SLC15A1: variants seen among roughly 807,000 people sequenced by gnomAD.
SLC15A1 encodes the protein solute carrier family 15 member 1, also known as Caco-2 oligopeptide transporter.
A neutral mutation model predicts 92.9 loss-of-function variants in SLC15A1; 83 were observed. That is an observed-to-expected ratio of 0.89 (90% CI 0.75 to 1.07). The LOEUF is 1.07. Ranked by LOEUF, SLC15A1 falls within the 50% of genes least tolerant of loss-of-function variation. The pLI is 0.00. For synonymous variants in SLC15A1, 322 were observed against 318.2 expected, an observed-to-expected ratio of 1.01 and a Z score of -0.13; for missense variants, 857 against 880.1, an observed-to-expected ratio of 0.97 and a Z score of 0.33.
intron 18 of SLC15A1, among the ~76,000 whole-genome samples, chr13:98,695,618 C>G (rs188549338): frequency 2.6e-5 from 4 of 152,236 alleles, no homozygotes; most frequent in Admixed American, 1.3e-4. Context: ...GTCTCAAACT[C>G]CTGACCCCAG....
At chr13:98,730,837 C>T (rs543202790) in intron 1 of SLC15A1, among the ~76,000 whole-genome samples, 6 of 152,346 alleles carry the variant, frequency 3.9e-5, no homozygotes, top group African/African-American at 1.4e-4. Flanking sequence ...CCAGGACCGT[C>T]CTTCTTCTTC....
At chr13:98,721,650 G>A (rs2088259513) in intron 6 of SLC15A1, 65 bp from the exon 7 acceptor site, 1 of 1,294,222 alleles carries the variant, frequency 7.7e-7, no homozygotes, top group African/African-American at 1.5e-5. Flanking sequence ...GGGAGCTGAT[G>A]ATCTCATTTT....
At chr13:98,721,628 C>T in intron 6 of SLC15A1, 43 bp from the exon 7 acceptor site, 1 of 1,413,910 alleles carries the variant, frequency 7.1e-7, no homozygotes, top group South Asian at 1.2e-5. Flanking sequence ...GGCTATCAAT[C>T]CACTGAGCAC....
Position 98,726,868 on chromosome 13 carries a change from A to G in SLC15A1, c.5-9T>C, listed in dbSNP as rs1341773181. The stretch of plus-strand genomic sequence containing the variant: ...GTGTGATTTGGACATTCCTAAAAGA[A>G]AAACAGAATCCCAATATTAAAGTCA... On this transcript the variant is annotated splice_polypyrimidine_tract_variant and intron_variant, in intron 1 of 22. Transcript: ENST00000376503. 4.3e-6 allele frequency: 7 copies of G among 1,613,154 alleles called. No individual in the cohort carries two copies. Among genetic ancestry groups the G allele is most frequent in the Non-Finnish European group, 5.9e-6 (7 of 1,179,180 alleles).
At chr13:98,751,050 C>A (rs549148686) in intron 1 of SLC15A1, among the ~76,000 whole-genome samples, 3 of 152,084 alleles carry the variant, frequency 2.0e-5, no homozygotes, top group Admixed American at 6.6e-5. Context: ...CCACTGCGCC[C>A]GGCCAAGATC....
In SLC15A1 at chr13:98,711,940, G is replaced by A. The variant is rs1444031696; in HGVS notation, c.814C>T (p.Arg272Trp). ...ACCATCTTAATTTGGGAGATGAGCC[G>A]CTCCTGTAGTTGGAGTGGGGAAGGG... ...LDWAKEKYDE[R>W]LISQIKMVTR... is the part of the protein sequence containing the mutation. The change falls in exon 11 of 23, where the codon CGG becomes TGG. Residue 272 changes from arginine (R) to tryptophan (W), a missense_variant. Physicochemically the swap from Arg to Trp is moderately radical, Grantham distance 101 (BLOSUM62 -3). Transcript: ENST00000376503. 7 of 1,610,630 alleles carry A rather than the reference G, an allele frequency of 4.3e-6. No homozygotes were observed. The highest frequency in any genetic ancestry group is 1.1e-5 in the South Asian group (1 of 90,988).
intron 1 of SLC15A1, among the ~76,000 whole-genome samples, chr13:98,728,977 T>TAAAAAAAAAAAAAAAAAAAAAA (rs71218592): frequency 1.4e-4 from 2 of 13,896 alleles, no homozygotes; most frequent in African/African-American, 3.2e-4. Flanking sequence ...TAAGGCTCTG[T>TAAAAAAAAAAAAAAAAAAAAAA]AAAAAAAAAA....
chr13:98,699,776 G>T (rs1323985357), intron 18 of SLC15A1, among the ~76,000 whole-genome samples: 1 of 152,130 alleles, frequency 6.6e-6, no homozygotes, highest in East Asian at 1.9e-4. Flanking sequence ...ACCAACACTT[G>T]GTATTGTCAA....
At chr13:98,698,905 T>A (rs2088044519) in intron 18 of SLC15A1, among the ~76,000 whole-genome samples, 1 of 152,202 alleles carries the variant, frequency 6.6e-6, no homozygotes, top group Admixed American at 6.5e-5. Context: ...GACTGGAGAC[T>A]GGGGTTGAAC....
rs186554441 is a variant in SLC15A1, at chr13:98,704,010, T to C, written c.1416+279A>G. ...TCACATATGTACTCTGTGTGACTTC[T>C]GTACACACACGCATGCACATCTGTG... On this transcript the variant is annotated intron_variant, in intron 17 of 22. Coordinates refer to ENST00000376503, the MANE Select transcript of SLC15A1 (RefSeq NM_005073.4). Among the ~76,000 whole-genome samples, 20 of 152,358 alleles carry C rather than the reference T, an allele frequency of 1.3e-4. No homozygotes were observed. In the East Asian group the frequency reaches 3.7e-3, roughly 28 times the overall value.
chr13:98,709,969 A>G, intron 11 of SLC15A1, 58 bp from the exon 12 acceptor site: 1 of 1,529,856 alleles, frequency 6.5e-7, no homozygotes, highest in Admixed American at 1.7e-5. Context: ...AAAATTTTAC[A>G]AGTCAATGGT....
At chr13:98,687,753 G>A in intron 20 of SLC15A1, 29 bp from the exon 21 acceptor site, 1 of 1,605,192 alleles carries the variant, frequency 6.2e-7, no homozygotes, top group Non-Finnish European at 8.5e-7. Flanking sequence ...AGCAGAAGAA[G>A]TTGAGATAGC....
intron 18 of SLC15A1, among the ~76,000 whole-genome samples, chr13:98,688,847 A>C (rs1246459540): frequency 5.3e-5 from 8 of 152,244 alleles, no homozygotes; most frequent in Admixed American, 2.0e-4. Flanking sequence ...AACCTAGTTC[A>C]ATACATTAGG....
At chr13:98,737,955 T>C (rs2088408010) in intron 1 of SLC15A1, among the ~76,000 whole-genome samples, 1 of 152,156 alleles carries the variant, frequency 6.6e-6, no homozygotes, top group Admixed American at 6.5e-5. Flanking sequence ...CAGGTGGAAA[T>C]GAGGAACTTA....
At chr13:98,750,479 A>C (rs1482912415) in intron 1 of SLC15A1, among the ~76,000 whole-genome samples, 1 of 152,104 alleles carries the variant, frequency 6.6e-6, no homozygotes, top group African/African-American at 2.4e-5. Context: ...AAGTCTAATA[A>C]ATGCCTTAAT....
Position 98,716,038 on chromosome 13 carries a change from T to G in SLC15A1, c.641-78A>C, listed in dbSNP as rs115234789. 5.0e-3 allele frequency: 5,908 copies of G among 1,190,376 alleles called. 222 individuals carry two copies. The African/African-American group carries it at 0.076, about 15-fold the overall frequency. 73.7% of individuals were successfully genotyped at this position (1,190,376 alleles called of 1,614,324 possible). ...TGGCCTAGAGAGATGCGCCTTTATTTGAATTATAACTTTGTTTTGGGATAA... is the reference window on the plus strand; with the variant it reads ...TGGCCTAGAGAGATGCGCCTTTATTGGAATTATAACTTTGTTTTGGGATAA... On this transcript the variant is annotated intron_variant, in intron 8 of 22. Coordinates refer to ENST00000376503, the MANE Select transcript of SLC15A1 (RefSeq NM_005073.4).
chr13:98,743,749 G>C lies in SLC15A1; in HGVS notation c.4+8846C>G, dbSNP rs2088469072. On this transcript the variant is annotated intron_variant, in intron 1 of 22. Coordinates refer to ENST00000376503, the MANE Select transcript of SLC15A1 (RefSeq NM_005073.4). Reference sequence around the variant, plus strand: ...TCTACACCTGGATATTTTTAGTCTAGAAGAACACCTTTCCTTCAGAACTAA... The same window carrying C: ...TCTACACCTGGATATTTTTAGTCTACAAGAACACCTTTCCTTCAGAACTAA... Among the ~76,000 whole-genome samples the C allele has an allele frequency of 2.0e-5, 3 of 152,168 alleles. No individual in the cohort carries two copies. The South Asian group carries it at 6.2e-4, about 32-fold the overall frequency.
chr13:98,716,452 T>C (rs1193233479), intron 8 of SLC15A1, among the ~76,000 whole-genome samples: 6 of 152,130 alleles, frequency 3.9e-5, no homozygotes, highest in Admixed American at 1.3e-4. Flanking sequence ...TGAAAACCCG[T>C]CTCTACTAAA....
chr13:98,684,993 A>C, intron 22 of SLC15A1, 78 bp from the exon 23 acceptor site: 1 of 1,272,442 alleles, frequency 7.9e-7, no homozygotes, highest in South Asian at 1.4e-5. Context: ...TGGTGCGTAC[A>C]TGTTCTTGCT....
Sources: allele counts gnomAD v4.1 joint callset (sites outside exome capture counted in the v4.1 genomes callset), GRCh38; gene constraint gnomAD v4.1.1; transcripts MANE v1.5; gene names NCBI Gene and HGNC (gene_info 2026-07-23, HGNC 2026-07-21).